Variants in TPST2 observed in about 807,000 individuals in gnomAD.
TPST2 encodes tyrosylprotein sulfotransferase 2.
A neutral mutation model predicts 27.8 loss-of-function variants in TPST2; 16 were observed. The ratio of observed to expected loss-of-function variants is 0.58; its 90% confidence interval spans 0.39 to 0.88. The LOEUF is 0.88. Ranked by LOEUF, TPST2 falls within the 40% of genes least tolerant of loss-of-function variation. TPST2 has a pLI of 0.00. For missense variants in TPST2, 464 were observed against 543.1 expected, an observed-to-expected ratio of 0.85 and a Z score of 1.45; for synonymous variants, 229 against 231.7, an observed-to-expected ratio of 0.99 and a Z score of 0.10.
intron 1 of TPST2, among the ~76,000 whole-genome samples, chr22:26,567,182 C>T (rs1927415386): frequency 6.6e-6 from 1 of 152,228 alleles, no homozygotes; most frequent in African/African-American, 2.4e-5. Flanking sequence ...GGTGCCCAAG[C>T]CTGTACCTGA....
rs1476743879 is a variant in TPST2, at chr22:26,570,446, C to T, written c.-161+19607G>A. Among the ~76,000 whole-genome samples, 8 of 152,268 alleles carry T rather than the reference C, an allele frequency of 5.3e-5. No individual in the cohort carries two copies. In the South Asian group the frequency reaches 1.2e-3, roughly 24 times the overall value. Reference sequence around the variant, plus strand: ...AAGGAGGTTATGTCTGCTTGTCTTCCTCTTTCTCTACAGCCCCATGAAAAC... The same window carrying T: ...AAGGAGGTTATGTCTGCTTGTCTTCTTCTTTCTCTACAGCCCCATGAAAAC... On this transcript the variant is annotated intron_variant, in intron 1 of 6. Transcript: ENST00000338754.
chr22:26,564,998 G>A (rs944058480), intron 1 of TPST2, among the ~76,000 whole-genome samples: 1 of 152,192 alleles, frequency 6.6e-6, no homozygotes, highest in Admixed American at 6.5e-5. Flanking sequence ...AGAGAATACT[G>A]TCTGCAGACC....
intron 1 of TPST2, among the ~76,000 whole-genome samples, chr22:26,581,036 A>ACACACACG (rs1569197886): frequency 2.9e-5 from 2 of 69,086 alleles, no homozygotes; most frequent in Admixed American, 1.9e-4. Flanking sequence ...ACACACACAC[A>ACACACACG]CACACACACA....
At chr22:26,530,558 G>A (rs1476728726) in intron 5 of TPST2, among the ~76,000 whole-genome samples, 1 of 151,386 alleles carries the variant, frequency 6.6e-6, no homozygotes, top group East Asian at 1.9e-4. Context: ...CTTGAACCCG[G>A]GAGGTGGAGG....
At chr22:26,533,978 G>A (rs890314070) in intron 4 of TPST2, among the ~76,000 whole-genome samples, 4 of 152,164 alleles carry the variant, frequency 2.6e-5, no homozygotes, top group African/African-American at 7.2e-5. Context: ...TCCAGCCTAT[G>A]TAAAATATTA....
chr22:26,580,684 C>T (rs930837940), intron 1 of TPST2, among the ~76,000 whole-genome samples: 2 of 152,058 alleles, frequency 1.3e-5, no homozygotes, highest in Admixed American at 6.5e-5. Flanking sequence ...TCGAAGGAAG[C>T]AATGTTTTTT....
chr22:26,578,758 A>G (rs1927964834), intron 1 of TPST2, among the ~76,000 whole-genome samples: 1 of 152,004 alleles, frequency 6.6e-6, no homozygotes, highest in African/African-American at 2.4e-5. Context: ...ATTATTTCCA[A>G]GCTATTTGCA....
chr22:26,544,385 T>C (rs1253074264), intron 2 of TPST2, among the ~76,000 whole-genome samples: 1 of 152,144 alleles, frequency 6.6e-6, no homozygotes, highest in Non-Finnish European at 1.5e-5. Context: ...GTCTTCCTAA[T>C]AGACAAGGAA....
chr22:26,535,338 G>C (rs1308197761), intron 4 of TPST2, among the ~76,000 whole-genome samples: 1 of 152,158 alleles, frequency 6.6e-6, no homozygotes, highest in East Asian at 1.9e-4. Context: ...CCTCAGGCCT[G>C]GGTCCCATTT....
intron 1 of TPST2, among the ~76,000 whole-genome samples, chr22:26,555,014 A>G (rs1229252199): frequency 6.6e-6 from 1 of 152,212 alleles, no homozygotes; most frequent in Non-Finnish European, 1.5e-5. Context: ...CCTTTAGGGT[A>G]GTGGTTAAAC....
Position 26,541,028 on chromosome 22 carries a change from G to A in TPST2, c.603C>T (p.Gly201=), listed in dbSNP as rs1476569320. 1 of 1,614,096 alleles carries A rather than the reference G, an allele frequency of 6.2e-7. No homozygotes were observed. Among genetic ancestry groups the A allele is most frequent in the Non-Finnish European group, 8.5e-7 (1 of 1,180,030 alleles). Residue 201 remains glycine, a synonymous_variant, in exon 3 of 7, where the codon GGC becomes GGT. Transcript: ENST00000338754. The surrounding 1 kb of genome is among the most constrained non-coding windows in gnomAD (Gnocchi z 5.9). The part of the protein sequence containing the change: ...SMITRKVTIA[G]FDLSSYRDCL... ...AGTCACGGTAGCTGCTGAGGTCAAAGCCCGCAATGGTGACTTTGCGCGTGA... is the reference window on the plus strand; with the variant it reads ...AGTCACGGTAGCTGCTGAGGTCAAAACCCGCAATGGTGACTTTGCGCGTGA...
At chr22:26,562,101 T>TA (rs1430890254) in intron 1 of TPST2, among the ~76,000 whole-genome samples, 1 of 152,170 alleles carries the variant, frequency 6.6e-6, no homozygotes, top group Non-Finnish European at 1.5e-5. Context: ...AATCCACAGA[T>TA]ACAAAGACCA....
intron 1 of TPST2, among the ~76,000 whole-genome samples, chr22:26,580,939 T>G (rs1928077970): frequency 6.6e-6 from 1 of 152,086 alleles, no homozygotes; most frequent in Admixed American, 6.6e-5. Context: ...GGCATCGCAC[T>G]GAGGCTCTGT....
At chr22:26,572,526 C>T (rs913393683) in intron 1 of TPST2, among the ~76,000 whole-genome samples, 1 of 152,108 alleles carries the variant, frequency 6.6e-6, no homozygotes, top group Non-Finnish European at 1.5e-5. Context: ...TATCAAGAGT[C>T]CTAGCTAATA....
intron 1 of TPST2, among the ~76,000 whole-genome samples, chr22:26,582,449 A>C (rs1404371784): frequency 2.0e-5 from 3 of 152,086 alleles, no homozygotes; most frequent in Non-Finnish European, 2.9e-5. Flanking sequence ...AAACAAAAAC[A>C]ACCAAAAACA....
intron 1 of TPST2, among the ~76,000 whole-genome samples, chr22:26,562,700 TGC>T (rs1927175143): frequency 6.6e-6 from 1 of 151,770 alleles, no homozygotes; most frequent in South Asian, 2.1e-4. Flanking sequence ...CTCAGCTCAC[TGC>T]AACCTCCGCC....
At position 26,524,887 on chromosome 22, in the gene TPST2, G is replaced by A. The variant is rs1482495833; in HGVS notation, c.*1388C>T. On this transcript the variant is annotated 3_prime_UTR_variant, in exon 7 of 7. Coordinates refer to ENST00000338754, the MANE Select transcript of TPST2 (RefSeq NM_003595.5). ...GTCCTTGGAATATCCTCCCAAGTAG[G>A]GGTGTCTTTGTATACCTCAGGCCTT... 6 of 152,310 alleles carry A rather than the reference G, an allele frequency of 3.9e-5. No individual in the cohort carries two copies. In the East Asian group the frequency reaches 1.2e-3, roughly 29 times the overall value. The allele number at this position is 152,310 out of a possible 1,614,324, so 9.4% of individuals were successfully genotyped here.
At chr22:26,563,625 G>A (rs114535879) in intron 1 of TPST2, among the ~76,000 whole-genome samples, 2,829 of 150,182 alleles carry the variant, frequency 0.019, 78 homozygotes, top group African/African-American at 0.065. Flanking sequence ...CACCACGCCC[G>A]GCCCTCCCTC....
chr22:26,573,224 TCTCA>T (rs1927700359), intron 1 of TPST2, among the ~76,000 whole-genome samples: 2 of 152,134 alleles, frequency 1.3e-5, no homozygotes, highest in Non-Finnish European at 2.9e-5. Flanking sequence ...CGAGATGAGG[TCTCA>T]CTATGTTGTC....
Sources: gnomAD v4.1 joint callset for allele counts (sites outside exome capture counted in the v4.1 genomes callset) on GRCh38, gnomAD v4.1.1 for gene constraint, Gnocchi (gnomAD v3.1) non-coding constraint, MANE v1.5 for transcripts, NCBI Gene and HGNC (gene_info 2026-07-23, HGNC 2026-07-21) for gene names.